ADGRL2: variants seen among roughly 807,000 people sequenced by gnomAD.
ADGRL2 encodes the protein adhesion G protein-coupled receptor L2.
Under a neutral mutation model 157.4 loss-of-function variants are expected in ADGRL2, and 44 were observed. The ratio of observed to expected loss-of-function variants is 0.28; its 90% CI spans 0.22 to 0.36. ADGRL2 has a LOEUF of 0.36. Ranked by LOEUF, ADGRL2 falls within the 10% of genes least tolerant of loss-of-function variation. The probability of loss-of-function intolerance (pLI) is 1.00; values close to 1 mark genes in which losing one functional copy is unlikely to be tolerated. For missense variants in ADGRL2, 1,510 were observed against 1,768.9 expected (o/e 0.85, Z 2.63); for synonymous variants, 585 against 624.7 (o/e 0.94, Z 0.95).
intron 2 of ADGRL2, among the ~76,000 whole-genome samples, chr1:81,566,257 T>C (rs1448016921): frequency 6.6e-6 from 1 of 152,140 alleles, no homozygotes; most frequent in Non-Finnish European, 1.5e-5. Context: ...CTGATTAGTT[T>C]TTGTCCACCA....
intron 2 of ADGRL2, among the ~76,000 whole-genome samples, chr1:81,555,711 C>T (rs556424383): frequency 6.6e-6 from 1 of 152,290 alleles, no homozygotes; most frequent in East Asian, 1.9e-4. Flanking sequence ...CACTCTGCAG[C>T]CCCTCCTCAC....
rs576769524 is a variant in ADGRL2 at position 81,425,763 on chromosome 1, A to T, written c.-301-19273A>T. On this transcript the variant is annotated intron_variant, in intron 1 of 24. Coordinates refer to the ADGRL2 transcript ENST00000370721. ...GCTCTAGAGCAGGTAGGGGGGTCTG[A>T]GTCACCCCATGGTGAGTACCAGAAA... is the stretch of plus-strand genomic sequence containing the variant. Among the ~76,000 whole-genome samples, 3 of 152,346 alleles carry T rather than the reference A, an allele frequency of 2.0e-5. 1 individual carries two copies. Among genetic ancestry groups the T allele is most frequent in the African/African-American group, 7.2e-5 (3 of 41,572 alleles).
chr1:81,614,225 T>G (rs1371937812), intron 3 of ADGRL2, among the ~76,000 whole-genome samples: 1 of 152,214 alleles, frequency 6.6e-6, no homozygotes, highest in Non-Finnish European at 1.5e-5. Flanking sequence ...AGTTTGGGCC[T>G]GTGAGCCTTA....
chr1:81,947,793 A>G lies in ADGRL2; in HGVS notation c.1211-2396A>G, dbSNP rs931962415. 5.3e-5 allele frequency among the ~76,000 whole-genome samples: 8 copies of G among 152,170 alleles called. No individual in the cohort carries two copies. In the South Asian group the frequency reaches 8.3e-4, roughly 16 times the overall value. ...AACCTTCCAAAATTCCAGAAATTCT[A>G]TGTGTACCTCTAAAAGATTTAGTTT... On this transcript the variant is annotated intron_variant, in intron 6 of 23. Transcript: ENST00000686636.
At chr1:81,904,222 T>G (rs1297021936) in intron 2 of ADGRL2, among the ~76,000 whole-genome samples, 1 of 151,992 alleles carries the variant, frequency 6.6e-6, no homozygotes, top group Non-Finnish European at 1.5e-5. Flanking sequence ...ATATATATAC[T>G]AAAAGTGAAT....
At chr1:81,952,649 C>A (rs1652220593) in intron 9 of ADGRL2, among the ~76,000 whole-genome samples, 1 of 152,092 alleles carries the variant, frequency 6.6e-6, no homozygotes, top group Admixed American at 6.6e-5. Flanking sequence ...TGGATTGCTA[C>A]TTTTCATCAC....
chr1:81,544,550 T>C (rs1324374710), intron 2 of ADGRL2, among the ~76,000 whole-genome samples: 18 of 152,196 alleles, frequency 1.2e-4, no homozygotes, highest in Admixed American at 1.1e-3. Context: ...CTTCTCTTTT[T>C]CTAATTTTAT....
At chr1:81,560,611 A>T (rs2080418026) in intron 2 of ADGRL2, among the ~76,000 whole-genome samples, 1 of 152,192 alleles carries the variant, frequency 6.6e-6, no homozygotes, top group Non-Finnish European at 1.5e-5. Context: ...AATTGTGGAA[A>T]TACACTCTTA....
At chr1:81,550,540 CA>C (rs1423230701) in intron 2 of ADGRL2, among the ~76,000 whole-genome samples, 1 of 152,110 alleles carries the variant, frequency 6.6e-6, no homozygotes, top group African/African-American at 2.4e-5. Context: ...GGCAGATATT[CA>C]CAAAGCAAAA....
At chr1:81,881,898 A>G (rs1408420843) in intron 2 of ADGRL2, among the ~76,000 whole-genome samples, 1 of 152,096 alleles carries the variant, frequency 6.6e-6, no homozygotes, top group Non-Finnish European at 1.5e-5. Flanking sequence ...TGAATACTAG[A>G]TTGATTTGTT....
intron 1 of ADGRL2, among the ~76,000 whole-genome samples, chr1:81,431,832 G>A (rs2077327271): frequency 6.6e-6 from 1 of 152,166 alleles, no homozygotes; most frequent in Non-Finnish European, 1.5e-5. Context: ...ACCTTGCCCT[G>A]CTAATGGTTA....
chr1:81,415,850 T>TG (rs1557672238), intron 1 of ADGRL2, among the ~76,000 whole-genome samples: 1 of 151,450 alleles, frequency 6.6e-6, no homozygotes, highest in Non-Finnish European at 1.5e-5. Flanking sequence ...TTCCTTTTTT[T>TG]TTTTTTTTGA....
chr1:81,308,030 T>C (rs1012770333), intron 1 of ADGRL2, among the ~76,000 whole-genome samples: 1 of 151,988 alleles, frequency 6.6e-6, no homozygotes, highest in African/African-American at 2.4e-5. Flanking sequence ...GGCATTTTAG[T>C]GATCCTACTG....
At chr1:81,601,581 C>A (rs1293781086) in intron 3 of ADGRL2, among the ~76,000 whole-genome samples, 1 of 152,170 alleles carries the variant, frequency 6.6e-6, no homozygotes, top group Non-Finnish European at 1.5e-5. Context: ...AATTTTATTT[C>A]TGCCCAGGAT....
chr1:81,915,594 C>T (rs1029140731), intron 3 of ADGRL2, among the ~76,000 whole-genome samples: 1 of 152,112 alleles, frequency 6.6e-6, no homozygotes, highest in Admixed American at 6.6e-5. Context: ...AAGGCTTATT[C>T]AGTGAAATTC....
chr1:81,499,338 A>T (rs2078795233), intron 2 of ADGRL2, among the ~76,000 whole-genome samples: 1 of 152,272 alleles, frequency 6.6e-6, no homozygotes, highest in Non-Finnish European at 1.5e-5. Context: ...AGGCAGCATA[A>T]ATGCTGTGAT....
intron 3 of ADGRL2, among the ~76,000 whole-genome samples, chr1:81,627,257 CT>C (rs199942795): frequency 0.012 from 1,771 of 152,224 alleles, 29 homozygotes; most frequent in African/African-American, 0.038. Context: ...ATCCAACTAA[CT>C]TGCTGCCCTT....
intron 1 of ADGRL2, among the ~76,000 whole-genome samples, chr1:81,760,722 T>C (rs1473371860): frequency 6.2e-5 from 2 of 32,390 alleles, no homozygotes; most frequent in Admixed American, 3.4e-4. Context: ...TTAAAAATAC[T>C]TTTTTTTTTT....
chr1:81,974,437 T>C (rs1028177800), intron 17 of ADGRL2, among the ~76,000 whole-genome samples: 14 of 152,200 alleles, frequency 9.2e-5, no homozygotes, highest in African/African-American at 3.1e-4. Flanking sequence ...CACACTCATT[T>C]AGAAGTCTTC....
Sources: allele counts gnomAD v4.1 joint callset (sites outside exome capture counted in the v4.1 genomes callset), GRCh38; gene constraint gnomAD v4.1.1; transcripts MANE v1.5; gene names NCBI Gene and HGNC (gene_info 2026-07-23, HGNC 2026-07-21).